RBM5: variants seen among roughly 807,000 people sequenced by gnomAD.
The protein encoded by RBM5 is RNA-binding protein 5.
Under a neutral mutation model 124.6 loss-of-function variants are expected in RBM5, and 15 were observed. That is an observed-to-expected ratio of 0.12 (90% CI 0.08 to 0.19). The LOEUF is 0.19. RBM5 is among the 10% of genes least tolerant of loss of function. RBM5 has a pLI of 1.00. For synonymous variants in RBM5, 337 were observed against 361.2 expected, an observed-to-expected ratio of 0.93 and a Z score of 0.76; for missense variants, 580 against 1,026.5, an observed-to-expected ratio of 0.57 and a Z score of 5.94.
At chr3:50,101,403 T>G (rs879854181) in intron 6 of RBM5, 4 of 152,220 alleles carry the variant, frequency 2.6e-5, no homozygotes, top group Non-Finnish European at 4.4e-5. Context: ...TTCTGTGATT[T>G]GAGTCATCCA....
chr3:50,110,431 C>A lies in RBM5; in HGVS notation c.1331C>A (p.Ser444Tyr). The A allele has an allele frequency of 1.2e-6, 2 of 1,614,216 alleles. No individual in the cohort carries two copies. Among genetic ancestry groups the A allele is most frequent in the Non-Finnish European group, 1.7e-6 (2 of 1,180,028 alleles). ...TSTSTQAPAA[S>Y]PTGVVPGTKY... ...ACAAGTACACAGGCCCCAGCCGCTT[C>A]CCCTACTGGTGTAGTTCCTGGTACC... The change falls in exon 16 of 25, where the codon TCC becomes TAC. Residue 444 changes from serine (S) to tyrosine (Y), a missense_variant. Physicochemically the swap from Ser to Tyr is moderately radical, Grantham distance 144. Coordinates refer to ENST00000347869, the MANE Select transcript of RBM5 (RefSeq NM_005778.4).
chr3:50,104,062 T>C (rs1437695202), intron 7 of RBM5, among the ~76,000 whole-genome samples, 186 bp from the exon 8 acceptor site: 1 of 152,150 alleles, frequency 6.6e-6, no homozygotes, highest in African/African-American at 2.4e-5. Context: ...ACAAACTTTG[T>C]TTTTCTTGGG....
At chr3:50,111,374 C>T (rs1239405167) in intron 17 of RBM5, among the ~76,000 whole-genome samples, 3 of 152,178 alleles carry the variant, frequency 2.0e-5, no homozygotes, top group African/African-American at 7.2e-5. Flanking sequence ...TCTGTACTCT[C>T]CTCCAGTAAC....
At chr3:50,109,506 CA>C in intron 14 of RBM5, 96 bp from the exon 15 acceptor site, 1 of 943,060 alleles carries the variant, frequency 1.1e-6, no homozygotes, top group South Asian at 1.3e-5. Context: ...CTGACATATA[CA>C]ATGACAGAAG....
At position 50,117,997 on chromosome 3, in the gene RBM5, A is replaced by G. The variant is rs1232167236; in HGVS notation, c.2323-334A>G. The G allele has an allele frequency of 3.4e-6, 1 of 292,884 alleles. No homozygotes were observed. Among genetic ancestry groups the G allele is most frequent in the Admixed American group, 4.6e-5 (1 of 21,624 alleles). The allele number at this position is 292,884 out of a possible 1,614,324, so 18.1% of individuals were successfully genotyped here. ...TCCTGTTTATGTGAGTTCTGCTGAC[A>G]TTGAGCTATCCTGTATAATGTGTGC... is the stretch of plus-strand genomic sequence containing the variant. On this transcript the variant is annotated intron_variant, in intron 24 of 24. Transcript: ENST00000347869. The surrounding 1 kb of genome is among the most constrained non-coding windows in gnomAD (Gnocchi z 4.2).
rs528697164 is a variant in RBM5, at chr3:50,114,433, A to T, written c.1839+182A>T. The T allele has an allele frequency of 7.4e-5, 43 of 579,758 alleles. No individual in the cohort carries two copies. In the South Asian group the frequency reaches 1.0e-3, roughly 14 times the overall value. The allele number at this position is 579,758 out of a possible 1,614,324, so 35.9% of individuals were successfully genotyped here. The stretch of plus-strand genomic sequence containing the variant: ...GGGGCTTTGTTTTCTGTGAGAGCAG[A>T]TGAGATGGAGTGATGAAAGAAGCTT... On this transcript the variant is annotated intron_variant, in intron 20 of 24. Transcript: ENST00000347869.
At chr3:50,102,725 G>T in intron 6 of RBM5, 1 of 255,714 alleles carries the variant, frequency 3.9e-6, no homozygotes, top group South Asian at 4.5e-5. Context: ...GACAGTCTCA[G>T]AACTGAGAGA....
At chr3:50,092,308 TCC>T in intron 3 of RBM5, 100 bp downstream of exon 3, 1 of 1,341,608 alleles carries the variant, frequency 7.5e-7, no homozygotes, top group Non-Finnish European at 1.0e-6. Context: ...CTTCCCATAA[TCC>T]TATCACTTTG....
At position 50,115,736 on chromosome 3, in the gene RBM5, A is replaced by C. The variant is rs1173154701; in HGVS notation, c.2019+129A>C. 10 of 1,260,036 alleles carry C rather than the reference A, an allele frequency of 7.9e-6. No homozygotes were observed. The South Asian group carries it at 1.0e-4, about 13-fold the overall frequency. 78.1% of individuals were successfully genotyped at this position (1,260,036 alleles called of 1,614,324 possible). A position where few individuals can be genotyped will look rare whatever the true frequency, so the allele number is the denominator to read the frequency against. On this transcript the variant is annotated intron_variant, in intron 21 of 24. Transcript: ENST00000347869. ...ATGGCCTTACAGAAAGCTGTTCCCG[A>C]TGACAGTGGACGGAGTCTGGCAGCT...
chr3:50,113,477 C>T lies in RBM5; in HGVS notation c.1550C>T (p.Ser517Leu), dbSNP rs1378390092. 5.0e-6 allele frequency: 8 copies of T among 1,613,910 alleles called. No homozygotes were observed. The highest frequency in any genetic ancestry group is 1.3e-5 in the African/African-American group (1 of 74,900). The change falls in exon 18 of 25, where the codon TCG becomes TTG. Residue 517 changes from serine (S) to leucine (L), a missense_variant. Transcript: ENST00000347869. The stretch of plus-strand genomic sequence containing the variant: ...GCAGAGTCTAGCTCCCACCAGCAGT[C>T]GGGCCTGCCTCCTGCAAAAGAGGGG... ...PAAESSSHQQ[S>L]GLPPAKEGKE...
chr3:50,105,722 T>G lies in RBM5; in HGVS notation c.855+13T>G. Reference sequence around the variant, plus strand: ...GTCCTCTGCAATGGTGAGGTTCTCATCGATTCTTTCCTTTTTAAAAGAAAC... The same window carrying G: ...GTCCTCTGCAATGGTGAGGTTCTCAGCGATTCTTTCCTTTTTAAAAGAAAC... On this transcript the variant is annotated intron_variant, in intron 10 of 24. Coordinates refer to ENST00000347869, the MANE Select transcript of RBM5 (RefSeq NM_005778.4). The G allele has an allele frequency of 6.2e-7, 1 of 1,612,254 alleles. No individual in the cohort carries two copies.
chr3:50,112,414 T>TAAAAA lies in RBM5; in HGVS notation c.1456-943_1456-939dup, dbSNP rs58011975. Among the ~76,000 whole-genome samples, 48 of 88,224 alleles carry TAAAAA rather than the reference T, an allele frequency of 5.4e-4. 2 individuals carry two copies. Among genetic ancestry groups the TAAAAA allele is most frequent in the African/African-American group, 1.9e-3 (39 of 20,658 alleles). 57.9% of individuals were successfully genotyped at this position (88,224 alleles called of 152,430 possible). A position where few individuals can be genotyped will look rare whatever the true frequency, so the allele number is the denominator to read the frequency against. ...CTGGGTGACGGAGCGAGACTCTGTC[T>TAAAAA]AAAAAAAAAAAAAAAAAAAAAAAAA... On this transcript the variant is annotated intron_variant, in intron 17 of 24. Transcript: ENST00000347869.
chr3:50,091,315 TC>T (rs1301909975), intron 2 of RBM5, among the ~76,000 whole-genome samples: 16 of 152,220 alleles, frequency 1.1e-4, no homozygotes, highest in Non-Finnish European at 1.5e-4. Flanking sequence ...TATAAACCTT[TC>T]CTTTGCCTTA....
chr3:50,093,748 G>A lies in RBM5; in HGVS notation c.212G>A (p.Arg71Gln), dbSNP rs764242527. 6.8e-6 allele frequency: 11 copies of A among 1,613,710 alleles called. No homozygotes were observed. In the Admixed American group the frequency reaches 1.3e-4, roughly 20 times the overall value. ...ERERERRNSDRSEDGYHSDGD... is the reference protein window; with the variant it reads ...ERERERRNSDQSEDGYHSDGD... ...GAGCGTGAAAGAAGGAACAGTGACCGATCCGAAGATGGCTACCATTCAGAT... is the reference window on the plus strand; with the variant it reads ...GAGCGTGAAAGAAGGAACAGTGACCAATCCGAAGATGGCTACCATTCAGAT... The change falls in exon 4 of 25, where the codon CGA becomes CAA. Residue 71 changes from arginine to glutamine, a missense_variant. Arg to Gln is a conservative substitution (Grantham distance 43, BLOSUM62 1). Transcript: ENST00000347869.
intron 3 of RBM5, among the ~76,000 whole-genome samples, chr3:50,092,573 AAAAAG>A (rs746162119): frequency 6.6e-6 from 1 of 151,882 alleles, no homozygotes. Flanking sequence ...AAAAAAAAAA[AAAAAG>A]AAAAGAAATA....
At position 50,115,903 on chromosome 3, in the gene RBM5, T is replaced by A; in HGVS notation, c.2020-3T>A. ...TACTGTGTCTTTCAAATCTTTTGTG[T>A]AGCAAAACATGGACATCTATCGACG... On this transcript the variant is annotated splice_polypyrimidine_tract_variant and splice_region_variant and intron_variant, in intron 21 of 24. Coordinates refer to ENST00000347869, the MANE Select transcript of RBM5 (RefSeq NM_005778.4). 6.2e-7 allele frequency: 1 copy of A among 1,611,164 alleles called. No individual in the cohort carries two copies. The highest frequency in any genetic ancestry group is 8.5e-7 in the Non-Finnish European group (1 of 1,177,358).
intron 4 of RBM5, 70 bp from the exon 5 acceptor site, chr3:50,099,912 T>A: frequency 7.3e-7 from 1 of 1,364,640 alleles, no homozygotes; most frequent in Non-Finnish European, 1.0e-6. Context: ...ACAGTTGATG[T>A]AATTCCTATT....
chr3:50,113,596 G>C, intron 18 of RBM5, 52 bp downstream of exon 18: 1 of 1,528,630 alleles, frequency 6.5e-7, no homozygotes, highest in South Asian at 1.2e-5. Flanking sequence ...TGAACTCTTA[G>C]TTTTGGGGTT....
rs538390993 is a variant in RBM5, at chr3:50,111,334, C to T, written c.1455+564C>T. ...ACATTTTCATCACTCGAAGAAGAAA[C>T]CCTGTACCTGTTAAACAGTCACTCC... On this transcript the variant is annotated intron_variant, in intron 17 of 24. Transcript: ENST00000347869. 1.6e-4 allele frequency among the ~76,000 whole-genome samples: 24 copies of T among 152,300 alleles called. No homozygotes were observed. In the South Asian group the frequency reaches 4.4e-3, roughly 28 times the overall value.
Sources: allele counts gnomAD v4.1 joint callset (sites outside exome capture counted in the v4.1 genomes callset), GRCh38; gene constraint gnomAD v4.1.1; non-coding constraint Gnocchi (gnomAD v3.1); transcripts MANE v1.5; gene names NCBI Gene and HGNC (gene_info 2026-07-23, HGNC 2026-07-21).